The following TAFA1 variants were observed in gnomAD, a reference collection of about 807,000 sequenced individuals.
TAFA1 encodes TAFA chemokine like family member 1.
TAFA1 carries 4 observed loss-of-function variants against 18.5 expected under a neutral mutation model. The ratio of observed to expected loss-of-function variants is 0.22; its 90% CI spans 0.11 to 0.49. The LOEUF (loss-of-function observed/expected upper bound fraction) is 0.49. Among genes scored for constraint, TAFA1 ranks in the 20% least tolerant of loss-of-function variants. The pLI is 0.98. For synonymous variants in TAFA1, 56 were observed against 55.2 expected (o/e 1.01, Z -0.06); for missense variants, 147 against 169.0 (o/e 0.87, Z 0.72).
chr3:68,302,813 T>C (rs573081249), intron 2 of TAFA1, among the ~76,000 whole-genome samples: 1 of 152,272 alleles, frequency 6.6e-6, no homozygotes, highest in South Asian at 2.1e-4. Context: ...TCATTTTCCC[T>C]AAGCCTCAGT....
intron 3 of TAFA1, among the ~76,000 whole-genome samples, chr3:68,442,625 G>A (rs1370144456): frequency 6.6e-6 from 1 of 152,152 alleles, no homozygotes; most frequent in Non-Finnish European, 1.5e-5. Flanking sequence ...AAAAGAAAGA[G>A]GGAGGCAGGG....
chr3:68,143,985 C>CT (rs765248842), intron 2 of TAFA1, among the ~76,000 whole-genome samples: 3,274 of 141,674 alleles, frequency 0.023, 47 homozygotes, highest in Middle Eastern at 0.046. Context: ...CTGGAGGAGT[C>CT]TTTTTTTTTT....
At chr3:68,186,700 C>T (rs561496516) in intron 2 of TAFA1, among the ~76,000 whole-genome samples, 9 of 152,148 alleles carry the variant, frequency 5.9e-5, no homozygotes, top group African/African-American at 1.7e-4. Flanking sequence ...CCCAACCTGC[C>T]TGGGCTTTCC....
intron 3 of TAFA1, among the ~76,000 whole-genome samples, chr3:68,529,436 T>TAAAAAAAAAAAA (rs533214097): frequency 5.2e-5 from 4 of 77,050 alleles, no homozygotes; most frequent in Admixed American, 1.7e-4. Context: ...CACCATTCTC[T>TAAAAAAAAAAAA]AAAAAAAAAA....
chr3:68,288,126 T>C (rs1401623499), intron 2 of TAFA1, among the ~76,000 whole-genome samples: 4 of 152,062 alleles, frequency 2.6e-5, no homozygotes, highest in African/African-American at 9.7e-5. Flanking sequence ...CCCTCTCTTT[T>C]CATGGCTGAG....
At chr3:68,217,541 A>G (rs961940267) in intron 2 of TAFA1, among the ~76,000 whole-genome samples, 4 of 152,074 alleles carry the variant, frequency 2.6e-5, no homozygotes, top group South Asian at 2.1e-4. Context: ...AAACTAAGGC[A>G]ATCTGAATAA....
intron 2 of TAFA1, among the ~76,000 whole-genome samples, chr3:68,069,090 G>T (rs1184398874): frequency 6.6e-6 from 1 of 152,172 alleles, no homozygotes; most frequent in Non-Finnish European, 1.5e-5. Flanking sequence ...TGTAATGAAG[G>T]TGTTGCTAAG....
At chr3:68,320,302 T>A (rs1575774692) in intron 2 of TAFA1, among the ~76,000 whole-genome samples, 5 of 152,070 alleles carry the variant, frequency 3.3e-5, no homozygotes, top group Admixed American at 2.6e-4. Context: ...GATGCAGGGG[T>A]GTGTTCTGAG....
At chr3:68,441,203 C>A (rs1010738762) in intron 3 of TAFA1, among the ~76,000 whole-genome samples, 1 of 152,092 alleles carries the variant, frequency 6.6e-6, no homozygotes, top group African/African-American at 2.4e-5. Flanking sequence ...TGAAAGACTG[C>A]CGGTTTTGAG....
chr3:68,101,352 G>A (rs1315110816), intron 2 of TAFA1, among the ~76,000 whole-genome samples: 1 of 151,772 alleles, frequency 6.6e-6, no homozygotes, highest in Non-Finnish European at 1.5e-5. Context: ...TGCACAACGT[G>A]CAGGCTTGTT....
intron 3 of TAFA1, among the ~76,000 whole-genome samples, chr3:68,492,991 G>A (rs942155213): frequency 2.0e-5 from 3 of 152,038 alleles, no homozygotes; most frequent in Non-Finnish European, 4.4e-5. Flanking sequence ...ATTTTTTATT[G>A]TAAAATACAC....
rs140759984 is a variant in TAFA1, at chr3:68,020,726, A to G, written c.118+13982A>G. Among the ~76,000 whole-genome samples, 586 of 152,290 alleles carry G rather than the reference A, an allele frequency of 3.8e-3. 5 individuals carry two copies. Among genetic ancestry groups the G allele is most frequent in the African/African-American group, 0.014 (564 of 41,570 alleles). On this transcript the variant is annotated intron_variant, in intron 2 of 4. Transcript: ENST00000478136. ...TTCTGATAATAAAATCCATGTACTC[A>G]TCACAGTACATGATATAGATTTTTA... is the stretch of plus-strand genomic sequence containing the variant.
intron 3 of TAFA1, among the ~76,000 whole-genome samples, chr3:68,465,368 C>T (rs2071868316): frequency 6.6e-6 from 1 of 152,112 alleles, no homozygotes; most frequent in Admixed American, 6.6e-5. Flanking sequence ...ATATAACCAT[C>T]TATGACTAGA....
intron 2 of TAFA1, among the ~76,000 whole-genome samples, chr3:68,150,572 G>T (rs2065794666): frequency 6.6e-6 from 1 of 152,086 alleles, no homozygotes; most frequent in Non-Finnish European, 1.5e-5. Flanking sequence ...TGGTACTAGT[G>T]GGTTCTTGCT....
chr3:68,072,560 A>G (rs2064770082), intron 2 of TAFA1, among the ~76,000 whole-genome samples: 1 of 152,216 alleles, frequency 6.6e-6, no homozygotes, highest in Admixed American at 6.5e-5. Flanking sequence ...AAGGATAGAA[A>G]GGATAGCCAA....
At chr3:68,163,071 A>G (rs527738437) in intron 2 of TAFA1, among the ~76,000 whole-genome samples, 1 of 152,270 alleles carries the variant, frequency 6.6e-6, no homozygotes, top group South Asian at 2.1e-4. Flanking sequence ...TGACTAGAGA[A>G]CAAATAAAGC....
At chr3:68,170,088 G>GA (rs944609333) in intron 2 of TAFA1, among the ~76,000 whole-genome samples, 6 of 152,134 alleles carry the variant, frequency 3.9e-5, no homozygotes, top group South Asian at 2.1e-4. Flanking sequence ...CACTTATTCA[G>GA]AAAAAACATA....
chr3:68,285,388 A>G (rs910578655), intron 2 of TAFA1, among the ~76,000 whole-genome samples: 1 of 152,122 alleles, frequency 6.6e-6, no homozygotes, highest in African/African-American at 2.4e-5. Context: ...ATGAAGATAT[A>G]CTTTTAAGAT....
rs567723915 is a variant in TAFA1, at chr3:68,460,577, C to T, written c.259+43157C>T. 5.3e-5 allele frequency among the ~76,000 whole-genome samples: 8 copies of T among 152,288 alleles called. No homozygotes were observed. In the East Asian group the frequency reaches 1.4e-3, roughly 26 times the overall value. The stretch of plus-strand genomic sequence containing the variant: ...AAGATCTCTATGAGCACATCCTCCT[C>T]CTCTTCTCTGTGTTATAGATTCAGA... On this transcript the variant is annotated intron_variant, in intron 3 of 4. Transcript: ENST00000478136.
Sources: allele counts gnomAD v4.1 joint callset (sites outside exome capture counted in the v4.1 genomes callset), GRCh38; gene constraint gnomAD v4.1.1; transcripts MANE v1.5; gene names NCBI Gene and HGNC (gene_info 2026-07-23, HGNC 2026-07-21).